SYTL2: variants seen among roughly 807,000 people sequenced by gnomAD.
SYTL2 encodes synaptotagmin-like protein 2.
Under a neutral mutation model 198.7 loss-of-function variants are expected in SYTL2, and 165 were observed. The ratio of observed to expected loss-of-function variants is 0.83; its 90% CI spans 0.73 to 0.94. SYTL2 has a LOEUF of 0.94. Among genes scored for constraint, SYTL2 ranks in the 40% least tolerant of loss-of-function variants. SYTL2 has a pLI of 0.00. For synonymous variants in SYTL2, 966 were observed against 917.7 expected (o/e 1.05, Z -0.95); for missense variants, 2,835 against 2,582.8 (o/e 1.10, Z -2.12).
chr11:85,742,170 C>A (rs984033182), intron 4 of SYTL2, among the ~76,000 whole-genome samples: 1 of 152,160 alleles, frequency 6.6e-6, no homozygotes, highest in African/African-American at 2.4e-5. Context: ...CATGGCCACG[C>A]AGAGGTTTAT....
intron 12 of SYTL2, 53 bp downstream of exon 12, chr11:85,714,360 G>C (rs1454621882): frequency 7.1e-7 from 1 of 1,417,096 alleles, no homozygotes; most frequent in Admixed American, 1.7e-5. Context: ...CCTTGGCATA[G>C]CAATTCCAAC....
chr11:85,816,915 C>CAAA, the SYTL2 span, among the ~76,000 whole-genome samples: 15,190 of 80,608 alleles, frequency 0.19, 1,321 homozygotes, highest in Middle Eastern at 0.24. Flanking sequence ...AACCCTGTCT[C>CAAA]AAAAAAAAAA....
chr11:85,695,384 G>C (rs2276018), intron 19 of SYTL2, 44 bp from the exon 20 acceptor site: 44 of 1,488,202 alleles, frequency 3.0e-5, no homozygotes, highest in African/African-American at 1.1e-4. Context: ...CAGCTCATTG[G>C]GGGTAGGGGA....
chr11:85,720,315 G>A (rs1350012712), intron 9 of SYTL2, among the ~76,000 whole-genome samples: 2 of 152,140 alleles, frequency 1.3e-5, no homozygotes, highest in East Asian at 1.9e-4. Context: ...ATATAATGTG[G>A]TCCCTTCATA....
chr11:85,728,506 C>G (rs989507002), intron 7 of SYTL2, among the ~76,000 whole-genome samples: 1 of 152,034 alleles, frequency 6.6e-6, no homozygotes, highest in South Asian at 2.1e-4. Context: ...AGGCTGGTCT[C>G]GAACTCCTGA....
chr11:85,782,408 G>T (rs575865957), intron 1 of SYTL2, among the ~76,000 whole-genome samples: 1 of 152,136 alleles, frequency 6.6e-6, no homozygotes, highest in African/African-American at 2.4e-5. Flanking sequence ...TGGGTGGGGG[G>T]GCTGCTGTGA....
the SYTL2 span, among the ~76,000 whole-genome samples, chr11:85,836,363 G>T: frequency 6.6e-6 from 1 of 151,618 alleles, no homozygotes; most frequent in Non-Finnish European, 1.5e-5. Flanking sequence ...CACCATACAC[G>T]TATACATTTA....
At chr11:85,815,630 T>C (rs2093060411), upstream of SYTL2, among the ~76,000 whole-genome samples, 1 of 152,184 alleles carries the variant, frequency 6.6e-6, no homozygotes, top group African/African-American at 2.4e-5. Context: ...AGCGCAGCTA[T>C]TAGTGTCTGC....
the SYTL2 span, chr11:85,853,036 G>C: frequency 3.2e-6 from 1 of 316,212 alleles, no homozygotes; most frequent in Non-Finnish European, 6.2e-6. Flanking sequence ...CACCCTGTCT[G>C]GGAAGTGAGG....
At chr11:85,786,815 A>T (rs181308743) in intron 1 of SYTL2, among the ~76,000 whole-genome samples, 1 of 152,308 alleles carries the variant, frequency 6.6e-6, no homozygotes, top group Non-Finnish European at 1.5e-5. Flanking sequence ...CAGGACTCTT[A>T]TCTCCATATC....
intron 4 of SYTL2, among the ~76,000 whole-genome samples, chr11:85,740,289 C>T (rs1309428139): frequency 1.3e-5 from 2 of 152,174 alleles, no homozygotes; most frequent in Non-Finnish European, 1.5e-5. Context: ...TTCCACTTAA[C>T]CTATTCCCAG....
chr11:85,798,821 C>G (rs2092841767), intron 1 of SYTL2, among the ~76,000 whole-genome samples: 1 of 152,170 alleles, frequency 6.6e-6, no homozygotes, highest in Admixed American at 6.5e-5. Flanking sequence ...GTAGGCACCC[C>G]TTCCCTGGCA....
At chr11:85,710,503 T>A (rs754043836) in intron 13 of SYTL2, among the ~76,000 whole-genome samples, 2 of 152,260 alleles carry the variant, frequency 1.3e-5, no homozygotes, top group African/African-American at 4.8e-5. Flanking sequence ...CAGATAAGTG[T>A]ATGTGGATAT....
chr11:85,746,179 T>C lies in SYTL2; in HGVS notation c.254-407A>G, dbSNP rs188891773. On this transcript the variant is annotated intron_variant, in intron 3 of 19. Transcript: ENST00000359152. The stretch of plus-strand genomic sequence containing the variant: ...CCAAGCATTTACTGAATAGCTACAA[T>C]GTGTTCAAATATCTTGTATGTGCTC... Among the ~76,000 whole-genome samples the C allele has an allele frequency of 9.9e-4, 151 of 152,292 alleles. 1 individual carries two copies. Among genetic ancestry groups the C allele is most frequent in the African/African-American group, 3.5e-3 (144 of 41,560 alleles).
At chr11:85,794,821 C>A (rs2153634135) in intron 1 of SYTL2, among the ~76,000 whole-genome samples, 1 of 152,214 alleles carries the variant, frequency 6.6e-6, no homozygotes, top group Non-Finnish European at 1.5e-5. Context: ...AAAAGAAAAG[C>A]AGAATTTCCA....
upstream of SYTL2, among the ~76,000 whole-genome samples, chr11:85,815,176 A>G (rs2093059968): frequency 6.6e-6 from 1 of 152,238 alleles, no homozygotes; most frequent in Non-Finnish European, 1.5e-5. Context: ...TATGCATGTT[A>G]CAAAGAGCAG....
intron 9 of SYTL2, 28 bp from the exon 10 acceptor site, chr11:85,718,871 A>G (rs1196429781): frequency 6.2e-7 from 1 of 1,611,554 alleles, no homozygotes; most frequent in Non-Finnish European, 8.5e-7. Flanking sequence ...ACAAATGGTT[A>G]ACATGGCTGA....
chr11:85,798,491 AT>A (rs1456223006), intron 1 of SYTL2, among the ~76,000 whole-genome samples: 2 of 152,214 alleles, frequency 1.3e-5, no homozygotes, highest in Admixed American at 1.3e-4. Context: ...TTGGCTTCAC[AT>A]ATGTGGCATT....
At chr11:85,738,015 T>C (rs1447008585) in intron 4 of SYTL2, among the ~76,000 whole-genome samples, 1 of 152,196 alleles carries the variant, frequency 6.6e-6, no homozygotes, top group African/African-American at 2.4e-5. Flanking sequence ...GAAGTTGCTA[T>C]TGGCTGAAGC....
Sources: allele counts gnomAD v4.1 joint callset (sites outside exome capture counted in the v4.1 genomes callset), GRCh38; gene constraint gnomAD v4.1.1; transcripts MANE v1.5; gene names NCBI Gene and HGNC (gene_info 2026-07-23, HGNC 2026-07-21).